The following ATG2B variants were observed in gnomAD, a reference collection of about 807,000 sequenced individuals.
ATG2B encodes the protein autophagy-related protein 2 homolog B.
In ATG2B, 121 loss-of-function variants were observed where a neutral mutation model predicts 241.3. The observed-to-expected ratio is 0.50, with a 90% confidence interval of 0.43 to 0.58. The LOEUF is 0.58. Among genes scored for constraint, ATG2B ranks in the 20% least tolerant of loss-of-function variants. The pLI, the probability that ATG2B is intolerant of heterozygous loss-of-function variation, is 0.00. For synonymous variants in ATG2B, 858 were observed against 876.6 expected, an observed-to-expected ratio of 0.98 and a Z score of 0.37; for missense variants, 2,306 against 2,491.6, an observed-to-expected ratio of 0.93 and a Z score of 1.59.
chr14:96,295,643 A>G, intron 34 of ATG2B, 83 bp from the exon 35 acceptor site: 1 of 876,700 alleles, frequency 1.1e-6, no homozygotes, highest in Non-Finnish European at 1.8e-6. Context: ...TCTTAAACTC[A>G]TATATTTTAC....
intron 1 of ATG2B, among the ~76,000 whole-genome samples, chr14:96,357,444 A>G (rs773087009): frequency 7.2e-5 from 11 of 152,120 alleles, no homozygotes; most frequent in Non-Finnish European, 1.5e-4. Flanking sequence ...GTATATTCCC[A>G]GTGCCTCCTG....
Position 96,289,841 on chromosome 14 carries a change from A to C in ATG2B, c.5857-36T>G, listed in dbSNP as rs778870296. 3 of 1,612,098 alleles carry C rather than the reference A, an allele frequency of 1.9e-6. No homozygotes were observed. Among genetic ancestry groups the C allele is most frequent in the East Asian group, 4.5e-5 (2 of 44,862 alleles). On this transcript the variant is annotated intron_variant, in intron 40 of 41. Coordinates refer to ENST00000359933, the MANE Select transcript of ATG2B (RefSeq NM_018036.7). This position sits in a 1 kb window ranked among gnomAD's most constrained non-coding sequence, Gnocchi z 4.3. ...TTGTCAAAAGGAAGAAATGAATTAGAAGAAAGTCTGAAGAGTTACGGACCA... is the reference window on the plus strand; with the variant it reads ...TTGTCAAAAGGAAGAAATGAATTAGCAGAAAGTCTGAAGAGTTACGGACCA...
In ATG2B at chr14:96,303,109, T is replaced by G; in HGVS notation, c.4989A>C (p.Leu1663Phe). 6.2e-7 allele frequency: 1 copy of G among 1,611,906 alleles called. No homozygotes were observed. The highest frequency in any genetic ancestry group is 8.5e-7 in the Non-Finnish European group (1 of 1,179,024). Residue 1663 changes from leucine (L) to phenylalanine (F), a missense_variant, in exon 33 of 42, where the codon TTA becomes TTC. By Grantham distance (22) the Leu-to-Phe change is conservative (BLOSUM62 0). This residue lies in a region of ATG2B where 1,927 missense variants were observed against 2,011.2 expected (regional missense o/e 0.96). Transcript: ENST00000359933. Reference protein sequence around the residue: ...RLATSQMNKFLYLYCSKEMPR... With the variant: ...RLATSQMNKFFYLYCSKEMPR... Reference sequence around the variant, plus strand: ...GCATTTCTTTACTGCAATACAGGTATAAAAATTTATTCATTTGTGATGTTG... The same window carrying G: ...GCATTTCTTTACTGCAATACAGGTAGAAAAATTTATTCATTTGTGATGTTG...
chr14:96,295,577 T>C lies in ATG2B; in HGVS notation c.5140-17A>G. On this transcript the variant is annotated splice_polypyrimidine_tract_variant and intron_variant, in intron 34 of 41. Transcript: ENST00000359933. ...CAAAGCATCCTAAAATTAAGAGATGTAATTTTAACTAAGGAAGAAAAGAAT... is the reference window on the plus strand; with the variant it reads ...CAAAGCATCCTAAAATTAAGAGATGCAATTTTAACTAAGGAAGAAAAGAAT... 1.3e-6 allele frequency: 2 copies of C among 1,507,222 alleles called. No individual in the cohort carries two copies. The highest frequency in any genetic ancestry group is 1.2e-5 in the South Asian group (1 of 83,068). The allele number at this position is 1,507,222 out of a possible 1,614,324, so 93.4% of individuals were successfully genotyped here.
At chr14:96,307,799 AC>A (rs763117448) in intron 29 of ATG2B, among the ~76,000 whole-genome samples, 11 of 152,120 alleles carry the variant, frequency 7.2e-5, no homozygotes, top group Non-Finnish European at 1.6e-4. Flanking sequence ...CAAACTGGAT[AC>A]CTAATCTTAG....
In ATG2B at chr14:96,279,746, G is replaced by C. The variant is rs544657334; in HGVS notation, c.*6009C>G. The C allele has an allele frequency of 6.6e-6, 1 of 152,418 alleles. No homozygotes were observed. The highest frequency in any genetic ancestry group is 2.1e-4 in the South Asian group (1 of 4,830). 9.4% of individuals were successfully genotyped at this position (152,418 alleles called of 1,614,324 possible). On this transcript the variant is annotated 3_prime_UTR_variant, in exon 42 of 42. Transcript: ENST00000359933. ...CCCAGGCTGTGCATGATTTTCCCCA[G>C]GAGAGCTCTTAGCCCAGTGATTTTT... is the stretch of plus-strand genomic sequence containing the variant.
At chr14:96,300,348 C>T (rs997394632) in intron 34 of ATG2B, among the ~76,000 whole-genome samples, 2 of 152,104 alleles carry the variant, frequency 1.3e-5, no homozygotes, top group Admixed American at 6.5e-5. Flanking sequence ...AATGGGACCA[C>T]GTCTCTACAA....
intron 13 of ATG2B, 49 bp downstream of exon 13, chr14:96,328,625 A>G (rs745663398): frequency 2.3e-5 from 36 of 1,557,626 alleles, no homozygotes; most frequent in South Asian, 7.1e-5. Context: ...GACAAAATAT[A>G]TATCAGATTA....
chr14:96,362,932 C>T lies in ATG2B; in HGVS notation c.45G>A (p.Arg15=), dbSNP rs375803555. 7 of 1,613,506 alleles carry T rather than the reference C, an allele frequency of 4.3e-6. No homozygotes were observed. The African/African-American group carries it at 8.0e-5, about 18-fold the overall frequency. The change falls in exon 1 of 42, where the codon CGG becomes CGA. Residue 15 remains arginine (R), a synonymous_variant. Coordinates refer to ENST00000359933, the MANE Select transcript of ATG2B (RefSeq NM_018036.7). ...GGCCCAGGTACCTCTGCAGGAGGTA[C>T]CGGCAGGCCCTCTTCTTGATGGACT... ...FSESIKKRAC[R]YLLQRYLGHF...
At chr14:96,357,765 G>T (rs1888518665) in intron 1 of ATG2B, among the ~76,000 whole-genome samples, 1 of 151,590 alleles carries the variant, frequency 6.6e-6, no homozygotes. Flanking sequence ...AAGTAGAACT[G>T]CTTGCTTCAT....
chr14:96,329,163 T>A (rs1472383761), intron 12 of ATG2B, among the ~76,000 whole-genome samples: 2 of 152,292 alleles, frequency 1.3e-5, no homozygotes, highest in East Asian at 3.9e-4. Flanking sequence ...CAGCAGGCAT[T>A]CGATAATTAT....
intron 1 of ATG2B, among the ~76,000 whole-genome samples, chr14:96,352,395 T>C (rs1353841616): frequency 1.3e-5 from 2 of 151,858 alleles, no homozygotes; most frequent in African/African-American, 4.8e-5. Flanking sequence ...AAAAAAAAAG[T>C]TAACTGTAAA....
chr14:96,305,362 G>A (rs1053480396), intron 31 of ATG2B, among the ~76,000 whole-genome samples: 2 of 152,200 alleles, frequency 1.3e-5, no homozygotes, highest in African/African-American at 4.8e-5. Context: ...TGAAAATGAT[G>A]AGAGTCAACA....
rs147962117 is a variant in ATG2B at position 96,316,257 on chromosome 14, T to C, written c.3361+276A>G. ...AATAAACATGTTTTAAAATTGACTA[T>C]GGTGACGGTTGCATAACTCTTGTGA... On this transcript the variant is annotated intron_variant, in intron 21 of 41. Transcript: ENST00000359933. 3.8e-3 allele frequency among the ~76,000 whole-genome samples: 586 copies of C among 152,294 alleles called. 22 individuals carry two copies. The South Asian group carries it at 0.058, about 15-fold the overall frequency.
At chr14:96,297,774 A>G (rs1478078923) in intron 34 of ATG2B, among the ~76,000 whole-genome samples, 1 of 152,002 alleles carries the variant, frequency 6.6e-6, no homozygotes, top group Non-Finnish European at 1.5e-5. Context: ...CAAATCAGTA[A>G]GACCAACAAC....
At position 96,304,469 on chromosome 14, in the gene ATG2B, G is replaced by T. The variant is rs374546290; in HGVS notation, c.4842+26C>A. The T allele has an allele frequency of 1.1e-5, 17 of 1,574,166 alleles. No homozygotes were observed. The African/African-American group carries it at 2.3e-4, about 21-fold the overall frequency. The stretch of plus-strand genomic sequence containing the variant: ...CCCCCGCCAATATCCTACTTAAGTG[G>T]ATTTTTCCTTCAAATGCCATCTTAC... On this transcript the variant is annotated intron_variant, in intron 32 of 41. Transcript: ENST00000359933.
At chr14:96,307,047 T>A in intron 29 of ATG2B, 131 bp from the exon 30 acceptor site, 1 of 810,902 alleles carries the variant, frequency 1.2e-6, no homozygotes, top group Non-Finnish European at 1.9e-6. Context: ...AATAAGTCTA[T>A]GAATCTGAGG....
Position 96,331,614 on chromosome 14 carries a change from C to G in ATG2B, c.1492G>C (p.Val498Leu), listed in dbSNP as rs760810725. The change falls in exon 11 of 42, where the codon GTG becomes CTG. Residue 498 changes from valine (V) to leucine (L), a missense_variant. By Grantham distance (32) the Val-to-Leu change is conservative. This residue lies in a region of ATG2B where 1,927 missense variants were observed against 2,011.2 expected (regional missense o/e 0.96). Coordinates refer to ENST00000359933, the MANE Select transcript of ATG2B (RefSeq NM_018036.7). Reference sequence around the variant, plus strand: ...ATAAGTTCAGGCCTTGATTCATCCACTGAAACAGATCTAGATGGGAGAGCT... The same window carrying G: ...ATAAGTTCAGGCCTTGATTCATCCAGTGAAACAGATCTAGATGGGAGAGCT... Reference protein sequence around the residue: ...KTSLPSRSVSVDESRPELIFR... With the variant: ...KTSLPSRSVSLDESRPELIFR... 3.7e-6 allele frequency: 6 copies of G among 1,612,294 alleles called. No homozygotes were observed. The highest frequency in any genetic ancestry group is 5.1e-6 in the Non-Finnish European group (6 of 1,179,320).
Position 96,313,141 on chromosome 14 carries a change from T to A in ATG2B, c.3766A>T (p.Ile1256Phe). 6.2e-7 allele frequency: 1 copy of A among 1,613,344 alleles called. No individual in the cohort carries two copies. Residue 1256 changes from isoleucine to phenylalanine, a missense_variant, in exon 25 of 42, where the codon ATC becomes TTC. Ile to Phe is a conservative substitution (Grantham distance 21, BLOSUM62 0). Coordinates refer to ENST00000359933, the MANE Select transcript of ATG2B (RefSeq NM_018036.7). The part of the protein sequence containing the change: ...ALDYRPLYLP[I>F]RSLLTVETFS... ...GTTTCCACGGTAAGAAGAGATCGGA[T>A]TGGCAAATAAAGGGGTCTAATGCCA...
Sources: allele counts gnomAD v4.1 joint callset (sites outside exome capture counted in the v4.1 genomes callset), GRCh38; gene constraint gnomAD v4.1.1; regional missense constraint gnomAD v4.1.1; non-coding constraint Gnocchi (gnomAD v3.1); transcripts MANE v1.5; gene names NCBI Gene and HGNC (gene_info 2026-07-23, HGNC 2026-07-21).